The following SLC26A8 variants were observed in gnomAD, a reference collection of about 807,000 sequenced individuals.
SLC26A8 encodes the protein solute carrier family 26 member 8.
SLC26A8 carries 70 observed loss-of-function variants against 105.0 expected under a neutral mutation model. The observed-to-expected ratio is 0.67, with a 90% confidence interval of 0.55 to 0.81. SLC26A8 has a LOEUF of 0.81. Ranked by LOEUF, SLC26A8 falls within the 40% of genes least tolerant of loss-of-function variation. The probability of loss-of-function intolerance (pLI) is 0.00; values close to 1 mark genes in which losing one functional copy is unlikely to be tolerated. For synonymous variants in SLC26A8, 415 were observed against 438.3 expected, an observed-to-expected ratio of 0.95 and a Z score of 0.66; for missense variants, 998 against 1,181.8, an observed-to-expected ratio of 0.84 and a Z score of 2.28.
chr6:36,010,994 C>T (rs555124040), intron 3 of SLC26A8, among the ~76,000 whole-genome samples: 14 of 152,218 alleles, frequency 9.2e-5, no homozygotes, highest in Non-Finnish European at 1.6e-4. Context: ...ATTTCAGCCA[C>T]AGCTTGTTCA....
chr6:35,998,827 T>C (rs907212698), intron 4 of SLC26A8, among the ~76,000 whole-genome samples: 2 of 152,220 alleles, frequency 1.3e-5, no homozygotes, highest in African/African-American at 4.8e-5. Flanking sequence ...ATTGTTTTAT[T>C]GGTGTTCAAA....
At chr6:35,976,754 C>A (rs1773053847) in intron 9 of SLC26A8, among the ~76,000 whole-genome samples, 1 of 151,720 alleles carries the variant, frequency 6.6e-6, no homozygotes, top group Non-Finnish European at 1.5e-5. Flanking sequence ...CCGTGTTAGC[C>A]AGGATGGTCT....
At chr6:35,962,460 G>T in intron 12 of SLC26A8, 66 bp downstream of exon 12, 1 of 1,303,062 alleles carries the variant, frequency 7.7e-7, no homozygotes. Flanking sequence ...TCTTTTGTTT[G>T]TTCTTTCTCC....
At chr6:35,955,008 A>G (rs1351880995) in intron 17 of SLC26A8, 144 bp downstream of exon 17, 1 of 858,494 alleles carries the variant, frequency 1.2e-6, no homozygotes, top group African/African-American at 1.7e-5. Context: ...CTTATATTGT[A>G]CTGCCTTTGG....
chr6:36,007,384 C>T (rs529437063), intron 3 of SLC26A8, among the ~76,000 whole-genome samples: 37 of 152,158 alleles, frequency 2.4e-4, no homozygotes, highest in African/African-American at 8.9e-4. Context: ...TACTTTGGCA[C>T]AAATCTAACA....
At chr6:35,989,171 A>G (rs10085351) in intron 7 of SLC26A8, among the ~76,000 whole-genome samples, 83,425 of 151,902 alleles carry the variant, frequency 0.55, 23,386 homozygotes, top group South Asian at 0.71. Flanking sequence ...TTTATACGCC[A>G]GGTAACTGCC....
chr6:35,961,637 T>C (rs1772311461), intron 12 of SLC26A8, among the ~76,000 whole-genome samples: 1 of 152,222 alleles, frequency 6.6e-6, no homozygotes, highest in South Asian at 2.1e-4. Context: ...CCTTTGGAAG[T>C]GTTATGCCTC....
intron 7 of SLC26A8, among the ~76,000 whole-genome samples, chr6:35,982,556 G>T (rs182873294): frequency 6.6e-6 from 1 of 152,042 alleles, no homozygotes; most frequent in South Asian, 2.1e-4. Flanking sequence ...CAGTGAGATC[G>T]ATCCATTTAA....
chr6:35,952,088 G>GTA (rs1357609859), intron 17 of SLC26A8, among the ~76,000 whole-genome samples: 2 of 152,218 alleles, frequency 1.3e-5, no homozygotes, highest in Non-Finnish European at 2.9e-5. Context: ...GGGATAAACA[G>GTA]TATATATCAA....
At chr6:36,014,723 T>C (rs947513950) in intron 2 of SLC26A8, among the ~76,000 whole-genome samples, 4 of 151,776 alleles carry the variant, frequency 2.6e-5, no homozygotes, top group African/African-American at 9.7e-5. Flanking sequence ...CTACTAAAAA[T>C]ACAAAAATAA....
chr6:36,015,702 G>C (rs1761976152), intron 2 of SLC26A8, among the ~76,000 whole-genome samples: 1 of 152,148 alleles, frequency 6.6e-6, no homozygotes, highest in Non-Finnish European at 1.5e-5. Context: ...TTTGGCACAT[G>C]TCCCCCGATC....
At chr6:35,996,145 C>T (rs866208800) in intron 5 of SLC26A8, among the ~76,000 whole-genome samples, 8 of 152,260 alleles carry the variant, frequency 5.3e-5, no homozygotes, top group African/African-American at 1.9e-4. Flanking sequence ...AACTGAGGCC[C>T]ACCAAGGTAA....
intron 16 of SLC26A8, among the ~76,000 whole-genome samples, chr6:35,956,991 G>C (rs1772097817): frequency 6.6e-6 from 1 of 151,444 alleles, no homozygotes; most frequent in Non-Finnish European, 1.5e-5. Context: ...GGGAGGCCGA[G>C]ACAGGCAGAT....
At position 35,992,630 on chromosome 6, in the gene SLC26A8, A is replaced by T; in HGVS notation, c.672T>A (p.Leu224=). 1.2e-6 allele frequency: 2 copies of T among 1,613,952 alleles called. No individual in the cohort carries two copies. The highest frequency in any genetic ancestry group is 2.2e-5 in the South Asian group (2 of 91,044). ...GGTAAGCACTCATTGCAGACTCCGGAAGGTAAGTGGCAATGAAGCCCAAAC... is the reference window on the plus strand; with the variant it reads ...GGTAAGCACTCATTGCAGACTCCGGTAGGTAAGTGGCAATGAAGCCCAAAC... ...VLGLGFIATY[L]PESAMSAYLA... Residue 224 remains leucine (L), a synonymous_variant, in exon 6 of 20, where the codon CTT becomes CTA. Transcript: ENST00000490799.
chr6:35,979,111 C>G (rs1156242153), intron 8 of SLC26A8, among the ~76,000 whole-genome samples: 9 of 150,848 alleles, frequency 6.0e-5, no homozygotes, highest in Non-Finnish European at 1.5e-5. Context: ...CTCAGCCTCC[C>G]ACAGTGCTGG....
At chr6:35,947,968 A>AT in intron 19 of SLC26A8, among the ~76,000 whole-genome samples, 1 of 152,082 alleles carries the variant, frequency 6.6e-6, no homozygotes, top group Non-Finnish European at 1.5e-5. Context: ...AGTATCTAAG[A>AT]TTTTCCCATG....
chr6:36,014,652 C>T (rs112065360), intron 2 of SLC26A8, among the ~76,000 whole-genome samples: 3 of 152,026 alleles, frequency 2.0e-5, no homozygotes, highest in African/African-American at 4.8e-5. Flanking sequence ...GAGGCCAAGG[C>T]GGGCGGATCA....
chr6:35,997,948 G>A, intron 4 of SLC26A8, 29 bp from the exon 5 acceptor site: 1 of 1,601,548 alleles, frequency 6.2e-7, no homozygotes, highest in Non-Finnish European at 8.5e-7. Flanking sequence ...GGTAGAAGGT[G>A]AAGTTTCAAG....
At chr6:35,987,383 C>CT (rs764820594) in intron 7 of SLC26A8, among the ~76,000 whole-genome samples, 77 of 151,866 alleles carry the variant, frequency 5.1e-4, no homozygotes, top group Admixed American at 6.6e-5. Context: ...ATTTCCTTTT[C>CT]TTTTTTTTGA....
Sources: allele counts gnomAD v4.1 joint callset (sites outside exome capture counted in the v4.1 genomes callset), GRCh38; gene constraint gnomAD v4.1.1; transcripts MANE v1.5; gene names NCBI Gene and HGNC (gene_info 2026-07-23, HGNC 2026-07-21).